RHOBTB1: variants seen among roughly 807,000 people sequenced by gnomAD.
RHOBTB1 encodes Rho related BTB domain containing 1, also known as rho-related BTB domain-containing protein 1.
Under a neutral mutation model 71.6 loss-of-function variants are expected in RHOBTB1, and 40 were observed. The observed-to-expected ratio is 0.56, with a 90% CI of 0.43 to 0.73. The LOEUF (loss-of-function observed/expected upper bound fraction) is 0.73, where lower values mean the gene tolerates loss of function less well. RHOBTB1 is among the 30% of genes least tolerant of loss of function. The pLI is 0.00. For missense variants in RHOBTB1, 797 were observed against 894.0 expected (o/e 0.89, Z 1.38); for synonymous variants, 319 against 334.9 (o/e 0.95, Z 0.52).
At chr10:60,893,962 T>A (rs2082043882) in intron 4 of RHOBTB1, among the ~76,000 whole-genome samples, 1 of 152,188 alleles carries the variant, frequency 6.6e-6, no homozygotes, top group Admixed American at 6.5e-5. Flanking sequence ...ATAAGAAAAG[T>A]TACGCCCAAG....
chr10:60,962,338 A>G (rs1302348047), intron 2 of RHOBTB1, among the ~76,000 whole-genome samples: 2 of 152,176 alleles, frequency 1.3e-5, no homozygotes. Flanking sequence ...AATAGATAAT[A>G]TATCAAAATA....
At chr10:60,895,583 T>C (rs1381299539) in intron 4 of RHOBTB1, among the ~76,000 whole-genome samples, 2 of 152,222 alleles carry the variant, frequency 1.3e-5, no homozygotes, top group African/African-American at 2.4e-5. Flanking sequence ...TTTGTATTTT[T>C]AGTAGAGACG....
At chr10:60,943,493 G>GGGGGA (rs2085032903) in intron 1 of RHOBTB1, among the ~76,000 whole-genome samples, 1 of 152,244 alleles carries the variant, frequency 6.6e-6, no homozygotes, top group Non-Finnish European at 1.5e-5. Context: ...ACGGGGTTGC[G>GGGGGA]GGGGAGGGGA....
chr10:60,873,235 G>T, intron 9 of RHOBTB1, among the ~76,000 whole-genome samples: 1 of 152,174 alleles, frequency 6.6e-6, no homozygotes, highest in East Asian at 1.9e-4. Flanking sequence ...TCTGCCAGGT[G>T]GGTTTGTTCC....
chr10:60,986,431 A>ATATATATATATATATATATATATAT (rs1554860002), intron 1 of RHOBTB1, among the ~76,000 whole-genome samples: 5 of 134,618 alleles, frequency 3.7e-5, no homozygotes, highest in African/African-American at 1.4e-4. Context: ...ATATATATAT[A>ATATATATATATATATATATATATAT]AAATATATAT....
chr10:60,905,668 C>T (rs906016969), intron 4 of RHOBTB1, among the ~76,000 whole-genome samples: 5 of 151,910 alleles, frequency 3.3e-5, no homozygotes, highest in Non-Finnish European at 7.4e-5. Flanking sequence ...CTCAGTATGC[C>T]CTAGTCCTGG....
intron 4 of RHOBTB1, among the ~76,000 whole-genome samples, chr10:60,905,027 C>G (rs2133212795): frequency 6.6e-6 from 1 of 152,164 alleles, no homozygotes; most frequent in South Asian, 2.1e-4. Context: ...CCCTTAGTTA[C>G]TTTGCTATCT....
At chr10:60,893,019 C>T (rs748345620) in intron 4 of RHOBTB1, 24 bp from the exon 5 acceptor site, 3 of 1,579,736 alleles carry the variant, frequency 1.9e-6, no homozygotes, top group Non-Finnish European at 1.7e-6. Context: ...ATAAAAGAAG[C>T]TTGTATTGCC....
intron 2 of RHOBTB1, among the ~76,000 whole-genome samples, chr10:60,918,889 G>A (rs934179791): frequency 1.3e-5 from 2 of 152,030 alleles, no homozygotes; most frequent in African/African-American, 2.4e-5. Context: ...TGGGATTATA[G>A]GCATCTGCCA....
intron 2 of RHOBTB1, among the ~76,000 whole-genome samples, chr10:60,964,504 A>G (rs1318189548): frequency 6.6e-6 from 1 of 152,146 alleles, no homozygotes; most frequent in African/African-American, 2.4e-5. Flanking sequence ...TTTACATTGC[A>G]TGCTTTTCTA....
chr10:60,920,243 G>A (rs2083481752), intron 2 of RHOBTB1, among the ~76,000 whole-genome samples: 1 of 152,192 alleles, frequency 6.6e-6, no homozygotes, highest in African/African-American at 2.4e-5. Flanking sequence ...GCCAGCGGTG[G>A]TTCACAGTCA....
intron 2 of RHOBTB1, among the ~76,000 whole-genome samples, chr10:60,935,703 A>G (rs1276949865): frequency 6.6e-6 from 1 of 152,232 alleles, no homozygotes; most frequent in Non-Finnish European, 1.5e-5. Flanking sequence ...ATTAAATTAC[A>G]TAAATTTACA....
upstream of RHOBTB1, among the ~76,000 whole-genome samples, chr10:60,946,721 G>A (rs1308942603): frequency 1.3e-5 from 2 of 152,110 alleles, no homozygotes; most frequent in African/African-American, 2.4e-5. Flanking sequence ...ATAGGCAGGT[G>A]CCTATACCAG....
chr10:60,873,887 C>T (rs899281346), intron 9 of RHOBTB1, among the ~76,000 whole-genome samples: 1 of 152,220 alleles, frequency 6.6e-6, no homozygotes, highest in Non-Finnish European at 1.5e-5. Flanking sequence ...TTGCCTAGGG[C>T]GGTGCCTGGT....
intron 2 of RHOBTB1, among the ~76,000 whole-genome samples, chr10:60,955,534 C>T (rs896168151): frequency 2.6e-5 from 4 of 152,170 alleles, no homozygotes; most frequent in African/African-American, 9.7e-5. Flanking sequence ...CTGTCCTGAG[C>T]TATCCCAAAC....
rs1336517598 is a variant in RHOBTB1 at position 60,963,531 on chromosome 10, A to G, written c.-61-21677T>C. ...CAACAGAAAGCCTCTGCCTTAGAAA[A>G]ATGCATATTCAGGCTCTCCCTTTGT... On this transcript the variant is annotated intron_variant, in intron 2 of 11. Coordinates refer to the RHOBTB1 transcript ENST00000357917. Among the ~76,000 whole-genome samples the G allele has an allele frequency of 3.3e-5, 5 of 152,102 alleles. No individual in the cohort carries two copies. In the East Asian group the frequency reaches 9.7e-4, roughly 29 times the overall value.
chr10:60,928,552 A>G (rs1007622348), intron 2 of RHOBTB1, among the ~76,000 whole-genome samples: 1 of 151,880 alleles, frequency 6.6e-6, no homozygotes, highest in African/African-American at 2.4e-5. Context: ...TCTCACTCAT[A>G]TACAGGAGCT....
intron 2 of RHOBTB1, among the ~76,000 whole-genome samples, chr10:60,950,642 C>T (rs188204619): frequency 7.9e-4 from 121 of 152,242 alleles, no homozygotes; most frequent in Non-Finnish European, 1.5e-3. Flanking sequence ...TAATAACTTT[C>T]CAAAAAGTCC....
Position 60,878,059 on chromosome 10 carries a change from C to A in RHOBTB1, c.1576-1G>T. The A allele has an allele frequency of 6.2e-7, 1 of 1,608,302 alleles. No homozygotes were observed. Among genetic ancestry groups the A allele is most frequent in the Non-Finnish European group, 8.5e-7 (1 of 1,177,824 alleles). ...TCTTGTTTATGTTCGGGAGATACACCTGAAATGTTATACAAAAAGCTAAAT... is the reference window on the plus strand; with the variant it reads ...TCTTGTTTATGTTCGGGAGATACACATGAAATGTTATACAAAAAGCTAAAT... On this transcript the variant is annotated splice_acceptor_variant, in intron 7 of 10. Transcript: ENST00000337910. LOFTEE classifies it high-confidence loss of function.
Sources: allele counts gnomAD v4.1 joint callset (sites outside exome capture counted in the v4.1 genomes callset), GRCh38; gene constraint gnomAD v4.1.1; transcripts MANE v1.5; gene names NCBI Gene and HGNC (gene_info 2026-07-23, HGNC 2026-07-21).